The following GALNT13 variants were observed in gnomAD, a reference collection of about 807,000 sequenced individuals.
GALNT13 encodes the protein UDP-GalNAc:polypeptide N-acetylgalactosaminyltransferase 13.
GALNT13 carries 28 observed loss-of-function variants against 64.2 expected under a neutral mutation model. That is an observed-to-expected ratio of 0.44 (90% CI 0.32 to 0.60). The LOEUF (loss-of-function observed/expected upper bound fraction) is 0.60, where lower values mean the gene tolerates loss of function less well. Ranked by LOEUF, GALNT13 falls within the 20% of genes least tolerant of loss-of-function variation. The probability of loss-of-function intolerance (pLI) is 0.05; values close to 1 mark genes in which losing one functional copy is unlikely to be tolerated. For missense variants in GALNT13, 577 were observed against 669.8 expected, an observed-to-expected ratio of 0.86 and a Z score of 1.53; for synonymous variants, 214 against 224.6, an observed-to-expected ratio of 0.95 and a Z score of 0.42.
chr2:153,410,873 T>TA, the GALNT13 span, among the ~76,000 whole-genome samples: 327 of 150,168 alleles, frequency 2.2e-3, 3 homozygotes, highest in African/African-American at 7.2e-3. Flanking sequence ...AAATATATAT[T>TA]TAGAGAGAGA....
the GALNT13 span, among the ~76,000 whole-genome samples, chr2:153,129,779 A>T: frequency 1.3e-5 from 2 of 151,868 alleles, no homozygotes; most frequent in Non-Finnish European, 2.9e-5. Flanking sequence ...AAAAAAAAAA[A>T]GGAACCAATT....
intron 9 of GALNT13, among the ~76,000 whole-genome samples, chr2:154,368,644 G>T (rs1697506774): frequency 6.6e-6 from 1 of 152,092 alleles, no homozygotes; most frequent in Admixed American, 6.6e-5. Context: ...CCATTGACTT[G>T]TTATTGGATG....
At chr2:154,183,536 C>T (rs1573828145) in intron 4 of GALNT13, among the ~76,000 whole-genome samples, 1 of 152,148 alleles carries the variant, frequency 6.6e-6, no homozygotes, top group East Asian at 1.9e-4. Context: ...CATAGCAAAA[C>T]CCCACCTCTA....
At chr2:153,558,239 A>T in the GALNT13 span, among the ~76,000 whole-genome samples, 1 of 152,196 alleles carries the variant, frequency 6.6e-6, no homozygotes, top group East Asian at 1.9e-4. Flanking sequence ...TCTTCAATTT[A>T]GAAAGAGGAC....
At chr2:153,313,932 C>T in the GALNT13 span, among the ~76,000 whole-genome samples, 1 of 152,040 alleles carries the variant, frequency 6.6e-6, no homozygotes, top group Non-Finnish European at 1.5e-5. Context: ...AGGGTTATGA[C>T]TATTTCTCCA....
At chr2:153,120,939 G>T in the GALNT13 span, among the ~76,000 whole-genome samples, 1 of 152,186 alleles carries the variant, frequency 6.6e-6, no homozygotes, top group Non-Finnish European at 1.5e-5. Context: ...CAAAGTATTA[G>T]TTATGATTAG....
At chr2:153,248,748 G>A in the GALNT13 span, among the ~76,000 whole-genome samples, 156 of 150,818 alleles carry the variant, frequency 1.0e-3, no homozygotes, top group African/African-American at 3.5e-3. Flanking sequence ...CCCAGGAAGC[G>A]GAGCTTGCAG....
the GALNT13 span, among the ~76,000 whole-genome samples, chr2:153,545,961 G>A: frequency 6.6e-6 from 1 of 152,294 alleles, no homozygotes; most frequent in South Asian, 2.1e-4. Flanking sequence ...GTAATGTGGG[G>A]AGGGCCCTCA....
At chr2:153,751,197 G>T in the GALNT13 span, among the ~76,000 whole-genome samples, 1 of 151,792 alleles carries the variant, frequency 6.6e-6, no homozygotes, top group Non-Finnish European at 1.5e-5. Context: ...TCAATTTTTT[G>T]TGTGTTTTAA....
At chr2:153,271,175 C>G in the GALNT13 span, among the ~76,000 whole-genome samples, 1 of 152,238 alleles carries the variant, frequency 6.6e-6, no homozygotes, top group Admixed American at 6.5e-5. Context: ...ACTGAATGGG[C>G]AAAAGCTGGA....
At chr2:154,324,812 G>A (rs1338999596) in intron 9 of GALNT13, among the ~76,000 whole-genome samples, 1 of 152,082 alleles carries the variant, frequency 6.6e-6, no homozygotes, top group Non-Finnish European at 1.5e-5. Context: ...GAGTGTGGTT[G>A]CTTGGCACCA....
the GALNT13 span, among the ~76,000 whole-genome samples, chr2:153,301,174 C>T: frequency 3.3e-5 from 5 of 151,750 alleles, no homozygotes; most frequent in South Asian, 2.1e-4. Context: ...CCAGCCTGAG[C>T]GACCGGAGTG....
intron 2 of GALNT13, among the ~76,000 whole-genome samples, chr2:153,934,482 GA>G (rs1239476205): frequency 6.6e-6 from 1 of 152,164 alleles, no homozygotes; most frequent in Non-Finnish European, 1.5e-5. Context: ...GATTTGGGCA[GA>G]ATGGACTTCT....
At chr2:154,448,361 T>G (rs1402220208) in intron 12 of GALNT13, among the ~76,000 whole-genome samples, 1 of 151,994 alleles carries the variant, frequency 6.6e-6, no homozygotes, top group Non-Finnish European at 1.5e-5. Flanking sequence ...TGACTGAAGG[T>G]CAAATTTTTT....
rs565611369 is a variant in GALNT13, at chr2:154,127,421, A to G, written c.143-12916A>G. Reference sequence around the variant, plus strand: ...AAGGTTCATAGTTATCTTGAAAGTCAAACATTATTGCAGAATCTTCAGAAG... The same window carrying G: ...AAGGTTCATAGTTATCTTGAAAGTCGAACATTATTGCAGAATCTTCAGAAG... On this transcript the variant is annotated intron_variant, in intron 3 of 12. Transcript: ENST00000392825. Among the ~76,000 whole-genome samples the G allele has an allele frequency of 5.9e-5, 9 of 152,272 alleles. 1 individual carries two copies. The highest frequency in any genetic ancestry group is 2.2e-4 in the African/African-American group (9 of 41,582).
At chr2:153,199,112 G>A in the GALNT13 span, among the ~76,000 whole-genome samples, 260 of 152,318 alleles carry the variant, frequency 1.7e-3, 1 homozygote, top group African/African-American at 6.0e-3. Flanking sequence ...ATTTGATCCT[G>A]TGGGATCATC....
chr2:154,352,226 C>T (rs1270469543), intron 9 of GALNT13, among the ~76,000 whole-genome samples: 1 of 152,114 alleles, frequency 6.6e-6, no homozygotes, highest in African/African-American at 2.4e-5. Flanking sequence ...CATGAACCGG[C>T]CTCATCTGTG....
chr2:153,710,031 G>A, the GALNT13 span, among the ~76,000 whole-genome samples: 1 of 152,008 alleles, frequency 6.6e-6, no homozygotes, highest in Non-Finnish European at 1.5e-5. Context: ...GCCTCAGGCA[G>A]AAGAAATAAT....
chr2:154,427,191 T>G (rs903744050), intron 11 of GALNT13, among the ~76,000 whole-genome samples: 3 of 152,214 alleles, frequency 2.0e-5, no homozygotes, highest in Non-Finnish European at 2.9e-5. Context: ...ATCCTTTTTC[T>G]CAGATGAGGA....
Sources: allele counts gnomAD v4.1 joint callset (sites outside exome capture counted in the v4.1 genomes callset), GRCh38; gene constraint gnomAD v4.1.1; transcripts MANE v1.5; gene names NCBI Gene and HGNC (gene_info 2026-07-23, HGNC 2026-07-21).